UPP2: variants seen among roughly 807,000 people sequenced by gnomAD.
The protein encoded by UPP2 is uridine phosphorylase 2.
UPP2 carries 23 observed loss-of-function variants against 26.7 expected under a neutral mutation model. The observed-to-expected ratio is 0.86, with a 90% CI of 0.62 to 1.22. UPP2 has a LOEUF of 1.22. UPP2 is among the 50% of genes most tolerant of loss of function. The probability of loss-of-function intolerance (pLI) is 0.00; values close to 1 mark genes in which losing one functional copy is unlikely to be tolerated. For missense variants in UPP2, 387 were observed against 396.7 expected (o/e 0.98, Z 0.21); for synonymous variants, 127 against 141.3 (o/e 0.90, Z 0.72).
intron 3 of UPP2, among the ~76,000 whole-genome samples, chr2:158,094,502 G>A (rs1574287043): frequency 6.6e-6 from 1 of 152,160 alleles, no homozygotes; most frequent in African/African-American, 2.4e-5. Flanking sequence ...CATGCCTAAG[G>A]TGAAGCATTT....
intron 3 of UPP2, among the ~76,000 whole-genome samples, chr2:158,046,310 G>T (rs1206251048): frequency 5.3e-5 from 8 of 152,176 alleles, no homozygotes; most frequent in Non-Finnish European, 8.8e-5. Context: ...CCCCTCACTT[G>T]AATATGATCC....
intron 3 of UPP2, among the ~76,000 whole-genome samples, chr2:158,062,407 G>C (rs1311784434): frequency 6.6e-6 from 1 of 152,154 alleles, no homozygotes; most frequent in East Asian, 1.9e-4. Context: ...CTACCTTCTG[G>C]TCTTCTCCCT....
intron 2 of UPP2, among the ~76,000 whole-genome samples, chr2:158,001,797 T>G (rs1199778861): frequency 6.6e-6 from 1 of 152,106 alleles, no homozygotes; most frequent in Non-Finnish European, 1.5e-5. Flanking sequence ...CTAGCCATAG[T>G]CTGGTATTTA....
chr2:158,021,697 C>T (rs1281406803), intron 3 of UPP2, among the ~76,000 whole-genome samples: 5 of 152,190 alleles, frequency 3.3e-5, no homozygotes, highest in African/African-American at 4.8e-5. Flanking sequence ...GCTTTTATCA[C>T]TTCTTTTCTA....
At chr2:158,068,794 ATATATATATTTTTTTTTTTTTTTT>A (rs1170745753) in intron 3 of UPP2, among the ~76,000 whole-genome samples, 1 of 16,158 alleles carries the variant, frequency 6.2e-5, no homozygotes, top group African/African-American at 2.4e-4. Context: ...ATATATATAT[ATATATATATTTTTTTTTTTTTTTT>A]TTTTTTTTTT....
intron 3 of UPP2, among the ~76,000 whole-genome samples, chr2:158,036,044 G>A (rs1660515051): frequency 6.6e-6 from 1 of 152,168 alleles, no homozygotes; most frequent in South Asian, 2.1e-4. Context: ...CAGTAGAAGG[G>A]TCGTGAATGT....
intron 3 of UPP2, among the ~76,000 whole-genome samples, chr2:158,026,926 A>G (rs1470495634): frequency 6.6e-6 from 1 of 152,174 alleles, no homozygotes; most frequent in Admixed American, 6.5e-5. Flanking sequence ...TGATAAAACT[A>G]TCAGATCTCT....
At chr2:158,006,997 C>T (rs563555122) in intron 2 of UPP2, among the ~76,000 whole-genome samples, 2 of 152,290 alleles carry the variant, frequency 1.3e-5, no homozygotes, top group East Asian at 3.9e-4. Flanking sequence ...TCCTAGTTCC[C>T]TTTGCCTTGT....
intron 3 of UPP2, among the ~76,000 whole-genome samples, chr2:158,023,480 T>C (rs922033051): frequency 4.6e-5 from 7 of 152,252 alleles, no homozygotes; most frequent in Non-Finnish European, 8.8e-5. Context: ...AATGTTAGAA[T>C]TGGAAAGAAG....
At chr2:158,014,323 T>C (rs949100844) in intron 2 of UPP2, among the ~76,000 whole-genome samples, 2 of 152,174 alleles carry the variant, frequency 1.3e-5, no homozygotes, top group African/African-American at 4.8e-5. Flanking sequence ...TTGCCTCTCC[T>C]AGAACAACCC....
At chr2:158,118,751 A>C (rs1211849084) in intron 4 of UPP2, among the ~76,000 whole-genome samples, 1 of 152,036 alleles carries the variant, frequency 6.6e-6, no homozygotes, top group African/African-American at 2.4e-5. Context: ...TGGGAAGAGA[A>C]ATGGTGGTAG....
At chr2:158,013,844 G>T (rs148941786) in intron 2 of UPP2, among the ~76,000 whole-genome samples, 130 of 152,318 alleles carry the variant, frequency 8.5e-4, no homozygotes, top group Non-Finnish European at 1.5e-3. Flanking sequence ...TTGTGTGAAC[G>T]ACAAGCCCAG....
chr2:158,095,586 A>G (rs923948361), intron 3 of UPP2, among the ~76,000 whole-genome samples: 4 of 152,114 alleles, frequency 2.6e-5, no homozygotes, highest in African/African-American at 9.7e-5. Flanking sequence ...TCCAATCTCC[A>G]TTTACTCACT....
At chr2:157,996,913 A>G (rs779642625) in intron 2 of UPP2, among the ~76,000 whole-genome samples, 9 of 152,252 alleles carry the variant, frequency 5.9e-5, no homozygotes, top group Non-Finnish European at 1.0e-4. Flanking sequence ...ATGCTAATAA[A>G]GTAATCATAA....
intron 3 of UPP2, among the ~76,000 whole-genome samples, chr2:158,018,989 T>G (rs1683703319): frequency 6.6e-6 from 1 of 152,140 alleles, no homozygotes; most frequent in Non-Finnish European, 1.5e-5. Context: ...TAGGTAGATC[T>G]CCACATGGTT....
intron 3 of UPP2, among the ~76,000 whole-genome samples, chr2:158,072,750 T>A (rs1682563758): frequency 6.6e-6 from 1 of 152,124 alleles, no homozygotes. Flanking sequence ...TCTTCTAGAT[T>A]TTATCCAAGA....
At position 158,077,561 on chromosome 2, in the gene UPP2, G is replaced by A. The variant is rs118167024; in HGVS notation, c.148-24479G>A. On this transcript the variant is annotated intron_variant, in intron 3 of 9. Coordinates refer to the UPP2 transcript ENST00000605860. ...TTGATGACAAGACAGTCTCTTTAAG[G>A]TGCTGGGAAAACTGGATATCCATAG... Among the ~76,000 whole-genome samples, 872 of 151,994 alleles carry A rather than the reference G, an allele frequency of 5.7e-3. 17 individuals carry two copies. In the East Asian group the frequency reaches 0.086, roughly 15 times the overall value.
intron 2 of UPP2, among the ~76,000 whole-genome samples, chr2:158,000,067 A>AT (rs11451567): frequency 0.18 from 26,003 of 147,430 alleles, 2,921 homozygotes; most frequent in East Asian, 0.41. Context: ...TGCCTTTCAA[A>AT]TTTTTTTTTT....
chr2:158,071,821 G>T (rs1186065075), intron 3 of UPP2, among the ~76,000 whole-genome samples: 2 of 152,148 alleles, frequency 1.3e-5, no homozygotes, highest in Non-Finnish European at 2.9e-5. Flanking sequence ...AACTAAAAGT[G>T]ACACTAAGGT....
Sources: allele counts gnomAD v4.1 joint callset (sites outside exome capture counted in the v4.1 genomes callset), GRCh38; gene constraint gnomAD v4.1.1; transcripts MANE v1.5; gene names NCBI Gene and HGNC (gene_info 2026-07-23, HGNC 2026-07-21).